Variants in SLC7A2 observed in about 807,000 individuals in gnomAD.
SLC7A2 encodes the protein cationic amino acid transporter 2.
SLC7A2 carries 48 observed loss-of-function variants against 58.9 expected under a neutral mutation model. The ratio of observed to expected loss-of-function variants is 0.82; its 90% CI spans 0.65 to 1.04. The LOEUF is 1.04. SLC7A2 is among the 50% of genes least tolerant of loss of function. SLC7A2 has a pLI of 0.00. For synonymous variants in SLC7A2, 363 were observed against 314.5 expected, an observed-to-expected ratio of 1.15 and a Z score of -1.63; for missense variants, 1,029 against 818.8, an observed-to-expected ratio of 1.26 and a Z score of -3.13.
upstream of SLC7A2, among the ~76,000 whole-genome samples, chr8:17,495,137 T>G (rs1799926107): frequency 1.3e-5 from 2 of 152,222 alleles, no homozygotes; most frequent in African/African-American, 4.8e-5. Flanking sequence ...ATTTTTTTAT[T>G]TTTTCTTTCT....
Position 17,538,750 on chromosome 8 carries a change from C to A in SLC7A2, c.-22-4568C>A, listed in dbSNP as rs1009448184. ...TGGTAAAGATCCCTACTTATCTATA[C>A]GATTTAATTACTTTTTTTTCCATCA... On this transcript the variant is annotated intron_variant, in intron 2 of 12. Coordinates refer to ENST00000494857, the MANE Select transcript of SLC7A2 (RefSeq NM_001370338.1). The A allele has an allele frequency of 9.4e-5, 149 of 1,587,314 alleles. 1 individual carries two copies. Among genetic ancestry groups the A allele is most frequent in the Non-Finnish European group, 1.2e-4 (134 of 1,162,756 alleles).
In SLC7A2 at chr8:17,565,794, G is replaced by A. The variant is rs1363885262; in HGVS notation, c.*648G>A. On this transcript the variant is annotated 3_prime_UTR_variant, in exon 13 of 13. Coordinates refer to ENST00000494857, the MANE Select transcript of SLC7A2 (RefSeq NM_001370338.1). ...GTTTGCTCAAACTTCAGCCAACAGGGGTGTCTGCTTCTGCTGCACTACACA... is the reference window on the plus strand; with the variant it reads ...GTTTGCTCAAACTTCAGCCAACAGGAGTGTCTGCTTCTGCTGCACTACACA... 6.6e-6 allele frequency: 1 copy of A among 152,206 alleles called. No individual in the cohort carries two copies. The highest frequency in any genetic ancestry group is 2.4e-5 in the African/African-American group (1 of 41,438). 9.4% of individuals were successfully genotyped at this position (152,206 alleles called of 1,614,324 possible).
At chr8:17,500,302 A>G (rs1385988477) in intron 1 of SLC7A2, 1 of 152,206 alleles carries the variant, frequency 6.6e-6, no homozygotes, top group African/African-American at 2.4e-5. Context: ...TGTGCTGGAC[A>G]TTTTTATTTT....
intron 2 of SLC7A2, among the ~76,000 whole-genome samples, chr8:17,512,527 A>T (rs1800647529): frequency 6.6e-6 from 1 of 152,162 alleles, no homozygotes; most frequent in Non-Finnish European, 1.5e-5. Context: ...AGCCTAGGTG[A>T]CAGAGCGAGA....
chr8:17,555,185 AAAAAC>A, intron 8 of SLC7A2: 1 of 1,045,718 alleles, frequency 9.6e-7, no homozygotes, highest in Non-Finnish European at 1.3e-6. Context: ...GTAAGTTAAA[AAAAAC>A]AAAATCACTG....
chr8:17,551,058 G>A (rs1802425287), intron 6 of SLC7A2, among the ~76,000 whole-genome samples: 1 of 152,044 alleles, frequency 6.6e-6, no homozygotes, highest in African/African-American at 2.4e-5. Flanking sequence ...GATACTTAAG[G>A]GCCTACCGAA....
At chr8:17,560,955 C>T (rs1244223239) in intron 10 of SLC7A2, among the ~76,000 whole-genome samples, 1 of 152,090 alleles carries the variant, frequency 6.6e-6, no homozygotes, top group African/African-American at 2.4e-5. Context: ...ATTTATTGAA[C>T]ATTGCGTGTG....
intron 2 of SLC7A2, among the ~76,000 whole-genome samples, chr8:17,535,352 A>C (rs1457816223): frequency 5.3e-5 from 8 of 152,010 alleles, no homozygotes; most frequent in African/African-American, 1.9e-4. Context: ...TCATCCAAAC[A>C]TAGCTGTCTC....
At chr8:17,510,678 G>C (rs1262420807) in intron 2 of SLC7A2, 1 of 152,170 alleles carries the variant, frequency 6.6e-6, no homozygotes, top group African/African-American at 2.4e-5. Flanking sequence ...TTTGATGGAA[G>C]ACAGTGTGGC....
intron 2 of SLC7A2, among the ~76,000 whole-genome samples, chr8:17,524,512 C>A (rs1158269932): frequency 1.3e-5 from 2 of 151,692 alleles, no homozygotes; most frequent in Non-Finnish European, 2.9e-5. Flanking sequence ...TTGCAGCAAC[C>A]TGGATGGAAT....
At chr8:17,499,083 T>G (rs1800056433) in intron 1 of SLC7A2, 2 of 152,300 alleles carry the variant, frequency 1.3e-5, no homozygotes, top group Non-Finnish European at 2.9e-5. Flanking sequence ...CTACCTTCTG[T>G]TCTCTTTTCA....
At chr8:17,529,782 C>T (rs1425979828) in intron 2 of SLC7A2, among the ~76,000 whole-genome samples, 1 of 152,076 alleles carries the variant, frequency 6.6e-6, no homozygotes. Flanking sequence ...AGTAATCCGC[C>T]CACCTTGGCC....
intron 7 of SLC7A2, among the ~76,000 whole-genome samples, chr8:17,552,825 G>A (rs1260064250): frequency 2.0e-5 from 3 of 152,110 alleles, no homozygotes; most frequent in Admixed American, 6.6e-5. Context: ...TTTTTATCAT[G>A]CCACATGGTA....
At chr8:17,554,051 C>T (rs939014891) in intron 7 of SLC7A2, among the ~76,000 whole-genome samples, 8 of 151,934 alleles carry the variant, frequency 5.3e-5, no homozygotes, top group African/African-American at 7.3e-5. Context: ...CTAACTTGAT[C>T]CAAGATCAGG....
At chr8:17,558,617 A>G (rs1295257187) in intron 9 of SLC7A2, among the ~76,000 whole-genome samples, 1 of 152,224 alleles carries the variant, frequency 6.6e-6, no homozygotes, top group Non-Finnish European at 1.5e-5. Flanking sequence ...CCTGATCTAC[A>G]TGAAAGGCAA....
At chr8:17,515,525 A>G (rs1210823716) in intron 2 of SLC7A2, among the ~76,000 whole-genome samples, 1 of 152,074 alleles carries the variant, frequency 6.6e-6, no homozygotes, top group East Asian at 1.9e-4. Context: ...TGATCTCCTG[A>G]CCTCGTGATC....
intron 4 of SLC7A2, among the ~76,000 whole-genome samples, chr8:17,547,977 G>A (rs1224323993): frequency 6.6e-6 from 1 of 152,170 alleles, no homozygotes; most frequent in Non-Finnish European, 1.5e-5. Context: ...TGGCACAATT[G>A]AAGTATTATC....
At chr8:17,537,491 T>C (rs923531534) in intron 2 of SLC7A2, among the ~76,000 whole-genome samples, 3 of 152,154 alleles carry the variant, frequency 2.0e-5, no homozygotes, top group Non-Finnish European at 4.4e-5. Flanking sequence ...GAACATCTAA[T>C]TGAGCATTCC....
At chr8:17,503,292 T>C (rs1017956489) in intron 2 of SLC7A2, among the ~76,000 whole-genome samples, 3 of 152,062 alleles carry the variant, frequency 2.0e-5, no homozygotes, top group East Asian at 1.9e-4. Flanking sequence ...CCTCATGATC[T>C]GCCCGCCTCG....
Sources: gnomAD v4.1 joint callset for allele counts (sites outside exome capture counted in the v4.1 genomes callset) on GRCh38, gnomAD v4.1.1 for gene constraint, MANE v1.5 for transcripts, NCBI Gene and HGNC (gene_info 2026-07-23, HGNC 2026-07-21) for gene names.